Variants in TRDMT1 observed in about 807,000 individuals in gnomAD.
The protein encoded by TRDMT1 is tRNA aspartic acid methyltransferase 1, also known as tRNA (cytosine(38)-C(5))-methyltransferase.
TRDMT1 carries 49 observed loss-of-function variants against 51.2 expected under a neutral mutation model. The ratio of observed to expected loss-of-function variants is 0.96; its 90% CI spans 0.76 to 1.21. TRDMT1 has a LOEUF of 1.21. TRDMT1 is among the 50% of genes most tolerant of loss of function. TRDMT1 has a pLI of 0.00. For missense variants in TRDMT1, 534 were observed against 462.3 expected (o/e 1.16, Z -1.42); for synonymous variants, 187 against 164.6 (o/e 1.14, Z -1.04).
rs1196022433 is a variant in TRDMT1, at chr10:17,140,997, T to C, written c.*8043A>G. Among the ~76,000 whole-genome samples the C allele has an allele frequency of 1.3e-5, 2 of 152,176 alleles. No homozygotes were observed. The highest frequency in any genetic ancestry group is 2.4e-5 in the African/African-American group (1 of 41,428). ...AGGTATATGTGTATCGATACATATATAGATAAAACAGAGATCTCTTGAAGG... is the reference window on the plus strand; with the variant it reads ...AGGTATATGTGTATCGATACATATACAGATAAAACAGAGATCTCTTGAAGG... On this transcript the variant is annotated 3_prime_UTR_variant, in exon 11 of 11. Coordinates refer to ENST00000377799, the MANE Select transcript of TRDMT1 (RefSeq NM_004412.7).
chr10:17,196,461 G>C (rs1352651099), intron 1 of TRDMT1, among the ~76,000 whole-genome samples: 1 of 152,152 alleles, frequency 6.6e-6, no homozygotes, highest in African/African-American at 2.4e-5. Context: ...TATATTTGCA[G>C]GTGACCTTGC....
In TRDMT1 at chr10:17,168,903, T is replaced by C; in HGVS notation, c.189A>G (p.Glu63=). 6.2e-7 allele frequency: 1 copy of C among 1,611,466 alleles called. No individual in the cohort carries two copies. Among genetic ancestry groups the C allele is most frequent in the Non-Finnish European group, 8.5e-7 (1 of 1,178,478 alleles). ...LAKTIEGITL[E]EFDRLSFDMI... is the part of the protein sequence containing the mutation. ...TATCAAAAGATAATCTGTCAAACTC[T>C]TCGAGTGTAATGCCCTGAGGAATGA... Residue 63 remains glutamate, a synonymous_variant, in exon 3 of 11, where the codon GAA becomes GAG. Coordinates refer to ENST00000377799, the MANE Select transcript of TRDMT1 (RefSeq NM_004412.7).
At chr10:17,196,936 C>T (rs1011986521) in intron 1 of TRDMT1, among the ~76,000 whole-genome samples, 6 of 152,156 alleles carry the variant, frequency 3.9e-5, no homozygotes, top group African/African-American at 9.7e-5. Flanking sequence ...GAGGCATCCA[C>T]CTCTCAAGGG....
chr10:17,150,380 C>A (rs749198049), intron 10 of TRDMT1: 42 of 984,974 alleles, frequency 4.3e-5, no homozygotes, highest in Non-Finnish European at 4.9e-5. Context: ...GATACAAGTA[C>A]CCCACGGGTG....
At chr10:17,167,193 C>A (rs11254419) in intron 3 of TRDMT1, among the ~76,000 whole-genome samples, 65,847 of 151,976 alleles carry the variant, frequency 0.43, 14,480 homozygotes, top group Middle Eastern at 0.52. Context: ...GTAGGTGAAC[C>A]ACAAATCCTT....
chr10:17,199,445 C>T (rs1254819837), intron 1 of TRDMT1, among the ~76,000 whole-genome samples: 1 of 152,070 alleles, frequency 6.6e-6, no homozygotes, highest in African/African-American at 2.4e-5. Context: ...GCCAGAACAT[C>T]GAAGAACTTC....
At chr10:17,187,195 TA>T (rs1454506281) in intron 1 of TRDMT1, among the ~76,000 whole-genome samples, 1 of 152,212 alleles carries the variant, frequency 6.6e-6, no homozygotes, top group Admixed American at 6.5e-5. Flanking sequence ...ATGTACTGAA[TA>T]AATGAATATT....
intron 2 of TRDMT1, chr10:17,169,424 A>T: frequency 7.8e-7 from 1 of 1,288,518 alleles, no homozygotes; most frequent in South Asian, 1.2e-5. Context: ...TCAGATATCC[A>T]CAATTATTTT....
chr10:17,169,269 C>T (rs1272716106), intron 2 of TRDMT1: 6 of 1,016,092 alleles, frequency 5.9e-6, no homozygotes, highest in Admixed American at 7.5e-5. Context: ...TAATTGATAA[C>T]GTTCATGGAG....
At chr10:17,169,900 C>T (rs1841738403) in intron 2 of TRDMT1, among the ~76,000 whole-genome samples, 2 of 152,056 alleles carry the variant, frequency 1.3e-5, no homozygotes, top group Admixed American at 1.3e-4. Context: ...TTCTCGACTC[C>T]CCAGTGTTAA....
chr10:17,177,511 A>C (rs1244268963), intron 1 of TRDMT1, among the ~76,000 whole-genome samples: 2 of 152,276 alleles, frequency 1.3e-5, no homozygotes, highest in African/African-American at 4.8e-5. Flanking sequence ...TGAAAAACAC[A>C]GTACAAATTA....
At chr10:17,196,092 A>G (rs1482301734) in intron 1 of TRDMT1, among the ~76,000 whole-genome samples, 1 of 152,246 alleles carries the variant, frequency 6.6e-6, no homozygotes, top group Non-Finnish European at 1.5e-5. Context: ...CTGGTCTAGT[A>G]GACTCCCAAG....
chr10:17,150,881 C>A, intron 10 of TRDMT1: 2 of 985,194 alleles, frequency 2.0e-6, no homozygotes, highest in South Asian at 9.4e-5. Context: ...TACAAATGTA[C>A]CTACAAACAG....
intron 1 of TRDMT1, among the ~76,000 whole-genome samples, chr10:17,197,725 A>C (rs1845639512): frequency 6.6e-6 from 1 of 152,190 alleles, no homozygotes. Context: ...ACAAATGACT[A>C]ACAGGCACAT....
At position 17,138,960 on chromosome 10, in the gene TRDMT1, T is replaced by G. The variant is rs1306050297; in HGVS notation, c.*10080A>C. 2.0e-5 allele frequency among the ~76,000 whole-genome samples: 3 copies of G among 152,132 alleles called. No homozygotes were observed. The highest frequency in any genetic ancestry group is 7.2e-5 in the African/African-American group (3 of 41,432). On this transcript the variant is annotated 3_prime_UTR_variant, in exon 11 of 11. Coordinates refer to ENST00000377799, the MANE Select transcript of TRDMT1 (RefSeq NM_004412.7). ...CAAATGTTACAGAAAACATAAAATATGCACTGGAGGGTCTCGCATCATTAT... is the reference window on the plus strand; with the variant it reads ...CAAATGTTACAGAAAACATAAAATAGGCACTGGAGGGTCTCGCATCATTAT...
chr10:17,159,053 A>G (rs1839938058), intron 7 of TRDMT1, 93 bp downstream of exon 7: 1 of 828,042 alleles, frequency 1.2e-6, no homozygotes, highest in Non-Finnish European at 1.8e-6. Context: ...AGAGACAGCT[A>G]CACAAAGTAG....
In TRDMT1 at chr10:17,142,679, C is replaced by G. The variant is rs1264326075; in HGVS notation, c.*6361G>C. Reference sequence around the variant, plus strand: ...TGGTATTACCGACCAGACTTCAGTTCCCTCTTCTGTAGGAACGAGCCTCTC... The same window carrying G: ...TGGTATTACCGACCAGACTTCAGTTGCCTCTTCTGTAGGAACGAGCCTCTC... On this transcript the variant is annotated 3_prime_UTR_variant, in exon 11 of 11. Transcript: ENST00000377799. 1 of 152,266 alleles carries G rather than the reference C, an allele frequency of 6.6e-6. No individual in the cohort carries two copies. The highest frequency in any genetic ancestry group is 1.9e-4 in the East Asian group (1 of 5,190). The allele number at this position is 152,266 out of a possible 1,614,324, so 9.4% of individuals were successfully genotyped here.
intron 1 of TRDMT1, among the ~76,000 whole-genome samples, chr10:17,177,212 T>TTTATTTATTTATTTATTTA (rs1564314954): frequency 8.8e-4 from 6 of 6,790 alleles, no homozygotes; most frequent in African/African-American, 1.5e-3. Flanking sequence ...TTATTTATTT[T>TTTATTTATTTATTTATTTA]TTGAGATAGT....
chr10:17,199,028 C>T (rs1472140780), intron 1 of TRDMT1, among the ~76,000 whole-genome samples: 1 of 152,146 alleles, frequency 6.6e-6, no homozygotes, highest in Non-Finnish European at 1.5e-5. Flanking sequence ...TAGTTTATTA[C>T]ATACTTAAAA....
Sources: allele counts gnomAD v4.1 joint callset (sites outside exome capture counted in the v4.1 genomes callset), GRCh38; gene constraint gnomAD v4.1.1; transcripts MANE v1.5; gene names NCBI Gene and HGNC (gene_info 2026-07-23, HGNC 2026-07-21).